Variants in ADARB1 observed in about 807,000 individuals in gnomAD.
ADARB1 encodes adenosine deaminase RNA specific B1.
A neutral mutation model predicts 52.4 loss-of-function variants in ADARB1; 10 were observed. The observed-to-expected ratio is 0.19, with a 90% CI of 0.12 to 0.32. The LOEUF (loss-of-function observed/expected upper bound fraction) is 0.32. Ranked by LOEUF, ADARB1 falls within the 10% of genes least tolerant of loss-of-function variation. ADARB1 has a pLI of 1.00. For missense variants in ADARB1, 643 were observed against 922.3 expected (o/e 0.70, Z 3.92); for synonymous variants, 349 against 371.1 (o/e 0.94, Z 0.68).
At chr21:45,170,289 A>G (rs1175739623) in intron 2 of ADARB1, among the ~76,000 whole-genome samples, 1 of 152,258 alleles carries the variant, frequency 6.6e-6, no homozygotes, top group Admixed American at 6.5e-5. Flanking sequence ...ATAATTTATC[A>G]TAATTCCTTA....
chr21:45,143,876 A>G lies in ADARB1; in HGVS notation c.-48+15303A>G, dbSNP rs111713573. Among the ~76,000 whole-genome samples, 233 of 152,322 alleles carry G rather than the reference A, an allele frequency of 1.5e-3. 3 individuals carry two copies. The highest frequency in any genetic ancestry group is 5.4e-3 in the African/African-American group (224 of 41,558). Reference sequence around the variant, plus strand: ...CCACATCCAGCCATCATCCTAGAATAACAGCCACTGTTGTCCCCTGACACT... The same window carrying G: ...CCACATCCAGCCATCATCCTAGAATGACAGCCACTGTTGTCCCCTGACACT... On this transcript the variant is annotated intron_variant, in intron 2 of 10. Coordinates refer to ENST00000348831, the MANE Select transcript of ADARB1 (RefSeq NM_001112.4).
At chr21:45,156,525 T>TC (rs2090656084) in intron 2 of ADARB1, among the ~76,000 whole-genome samples, 1 of 38,134 alleles carries the variant, frequency 2.6e-5, no homozygotes, top group Non-Finnish European at 4.7e-5. Flanking sequence ...CCACCCATCA[T>TC]CACCCATCAC....
intron 1 of ADARB1, among the ~76,000 whole-genome samples, chr21:45,077,459 A>G (rs2123599220): frequency 6.6e-6 from 1 of 152,152 alleles, no homozygotes; most frequent in South Asian, 2.1e-4. Flanking sequence ...AGGTCAGGAG[A>G]TCGAGACCAT....
intron 2 of ADARB1, among the ~76,000 whole-genome samples, chr21:45,158,213 C>T (rs1041095149): frequency 6.6e-5 from 10 of 152,186 alleles, no homozygotes; most frequent in Non-Finnish European, 1.5e-4. Context: ...CATCCTCATT[C>T]TCCAGACCCT....
At position 45,076,627 on chromosome 21, in the gene ADARB1, G is replaced by A. The variant is rs564981020; in HGVS notation, c.-220+1834G>A. 1.9e-4 allele frequency among the ~76,000 whole-genome samples: 29 copies of A among 152,278 alleles called. No homozygotes were observed. The South Asian group carries it at 5.8e-3, about 30-fold the overall frequency. Reference sequence around the variant, plus strand: ...ATGCAGTTGTTACTGGGAGGCCAAGGGGGAAGGATTAGCTATGAAGTGATA... The same window carrying A: ...ATGCAGTTGTTACTGGGAGGCCAAGAGGGAAGGATTAGCTATGAAGTGATA... On this transcript the variant is annotated intron_variant, in intron 1 of 10. Coordinates refer to ENST00000348831, the MANE Select transcript of ADARB1 (RefSeq NM_001112.4).
intron 1 of ADARB1, among the ~76,000 whole-genome samples, chr21:45,109,698 G>T (rs1246971096): frequency 1.3e-5 from 2 of 152,178 alleles, no homozygotes; most frequent in African/African-American, 4.8e-5. Context: ...TTATAACCTA[G>T]CAATGCACCT....
At chr21:45,080,758 G>C (rs776934207) in intron 1 of ADARB1, among the ~76,000 whole-genome samples, 1 of 152,290 alleles carries the variant, frequency 6.6e-6, no homozygotes, top group East Asian at 1.9e-4. Flanking sequence ...TAGAAGACTC[G>C]GTGCCTGATT....
intron 1 of ADARB1, among the ~76,000 whole-genome samples, chr21:45,105,962 G>A (rs2087234944): frequency 6.6e-6 from 1 of 152,176 alleles, no homozygotes; most frequent in South Asian, 2.1e-4. Flanking sequence ...TAGTGATAGT[G>A]TTGTCTTTGT....
At chr21:45,130,799 T>G (rs1416114247) in intron 2 of ADARB1, among the ~76,000 whole-genome samples, 1 of 152,180 alleles carries the variant, frequency 6.6e-6, no homozygotes, top group African/African-American at 2.4e-5. Context: ...TCTTTTTGCT[T>G]GAAAAGACTG....
intron 1 of ADARB1, among the ~76,000 whole-genome samples, chr21:45,124,147 A>G (rs1415043274): frequency 1.3e-5 from 2 of 152,204 alleles, no homozygotes; most frequent in Non-Finnish European, 2.9e-5. Flanking sequence ...CGCTTTAAAA[A>G]ATATTATTGG....
At chr21:45,178,548 C>T (rs2091796778) in intron 4 of ADARB1, among the ~76,000 whole-genome samples, 1 of 152,188 alleles carries the variant, frequency 6.6e-6, no homozygotes, top group Admixed American at 6.5e-5. Flanking sequence ...GGGTGGCCCT[C>T]CCAGAAGCAG....
rs573005992 is a variant in ADARB1 at position 45,111,536 on chromosome 21, A to G, written c.-219-16866A>G. ...TTGGACGTTCTATGGGTTTGTACAC[A>G]TTTATGACGATATGGATCCATCCTT... On this transcript the variant is annotated intron_variant, in intron 1 of 10. Coordinates refer to ENST00000348831, the MANE Select transcript of ADARB1 (RefSeq NM_001112.4). Among the ~76,000 whole-genome samples, 6 of 152,278 alleles carry G rather than the reference A, an allele frequency of 3.9e-5. No homozygotes were observed. The South Asian group carries it at 1.0e-3, about 26-fold the overall frequency.
intron 8 of ADARB1, among the ~76,000 whole-genome samples, chr21:45,196,233 A>G (rs563618932): frequency 6.6e-6 from 1 of 152,252 alleles, no homozygotes; most frequent in Non-Finnish European, 1.5e-5. Context: ...CACAAAGGCA[A>G]TTCAGTGGAG....
rs571689357 is a variant in ADARB1, at chr21:45,171,555, T to C, written c.-47-55T>C. On this transcript the variant is annotated intron_variant, in intron 2 of 10. Coordinates refer to ENST00000348831, the MANE Select transcript of ADARB1 (RefSeq NM_001112.4). ...AATTATTTCCTTAGAGTAGACTTACTTCATATTACTCCTGTCATAGGCACA... is the reference window on the plus strand; with the variant it reads ...AATTATTTCCTTAGAGTAGACTTACCTCATATTACTCCTGTCATAGGCACA... The C allele has an allele frequency of 2.5e-4, 277 of 1,093,554 alleles. 1 individual carries two copies. Among genetic ancestry groups the C allele is most frequent in the Admixed American group, 7.1e-4 (35 of 49,104 alleles). 67.7% of individuals were successfully genotyped at this position (1,093,554 alleles called of 1,614,324 possible). A position where few individuals can be genotyped will look rare whatever the true frequency, so the allele number is the denominator to read the frequency against.
chr21:45,105,731 A>T (rs903876516), intron 1 of ADARB1, among the ~76,000 whole-genome samples: 6 of 152,232 alleles, frequency 3.9e-5, no homozygotes, highest in African/African-American at 1.4e-4. Context: ...TATGCAGATG[A>T]TTTCAAGGAC....
rs1305364003 is a variant in ADARB1, at chr21:45,171,671, TGAA to T, written c.19_21del (p.Glu7del). 6.2e-7 allele frequency: 1 copy of T among 1,613,652 alleles called. No homozygotes were observed. The highest frequency in any genetic ancestry group is 8.5e-7 in the Non-Finnish European group (1 of 1,179,784). On this transcript the variant is annotated inframe_deletion, in exon 3 of 11. Transcript: ENST00000348831. ...AGTATTTTGCCATGGATATAGAAGA[TGAA>T]GAAAACATGAGTAAGATCTAGGCCT...
intron 1 of ADARB1, among the ~76,000 whole-genome samples, chr21:45,115,390 G>A (rs1473342513): frequency 6.6e-6 from 1 of 152,244 alleles, no homozygotes; most frequent in Non-Finnish European, 1.5e-5. Context: ...TGGTTCAGCA[G>A]TGCACCTGCT....
At chr21:45,173,335 T>G (rs2091565011) in intron 3 of ADARB1, among the ~76,000 whole-genome samples, 1 of 152,336 alleles carries the variant, frequency 6.6e-6, no homozygotes, top group Middle Eastern at 3.4e-3. Context: ...AGAAGGCATC[T>G]GTTGAAGAAA....
At position 45,191,085 on chromosome 21, in the gene ADARB1, A is replaced by G. The variant is rs77388434; in HGVS notation, c.1565+5994A>G. On this transcript the variant is annotated intron_variant, in intron 8 of 10. Coordinates refer to ENST00000348831, the MANE Select transcript of ADARB1 (RefSeq NM_001112.4). The stretch of plus-strand genomic sequence containing the variant: ...ATATTGTTGTTAACTCAGGGTCTCT[A>G]TGGGGGAAAGAGGGCCTGTAGCTTC... Among the ~76,000 whole-genome samples the G allele has an allele frequency of 8.9e-3, 1,356 of 152,274 alleles. 19 individuals carry two copies. Among genetic ancestry groups the G allele is most frequent in the African/African-American group, 0.029 (1,210 of 41,552 alleles).
Sources: gnomAD v4.1 joint callset for allele counts (sites outside exome capture counted in the v4.1 genomes callset) on GRCh38, gnomAD v4.1.1 for gene constraint, MANE v1.5 for transcripts, NCBI Gene and HGNC (gene_info 2026-07-23, HGNC 2026-07-21) for gene names.